The following TBC1D8 variants were observed in gnomAD, a reference collection of about 807,000 sequenced individuals.
The protein encoded by TBC1D8 is BUB2-like protein 1.
Under a neutral mutation model 118.8 loss-of-function variants are expected in TBC1D8, and 65 were observed. The ratio of observed to expected loss-of-function variants is 0.55; its 90% confidence interval spans 0.45 to 0.67. TBC1D8 has a LOEUF of 0.67. Ranked by LOEUF, TBC1D8 falls within the 30% of genes least tolerant of loss-of-function variation. The pLI is 0.00. For synonymous variants in TBC1D8, 566 were observed against 595.8 expected, an observed-to-expected ratio of 0.95 and a Z score of 0.73; for missense variants, 1,376 against 1,471.2, an observed-to-expected ratio of 0.94 and a Z score of 1.06.
At chr2:101,143,078 CTT>C (rs1189436325) in intron 1 of TBC1D8, among the ~76,000 whole-genome samples, 2 of 41,400 alleles carry the variant, frequency 4.8e-5, no homozygotes, top group Admixed American at 4.3e-4. Context: ...TTTTTTTTTT[CTT>C]GAGACAGAGT....
intron 1 of TBC1D8, among the ~76,000 whole-genome samples, chr2:101,122,383 CAAAAAAAAAAAAA>C (rs70943064): frequency 0.28 from 20,586 of 72,470 alleles, 1,882 homozygotes; most frequent in African/African-American, 0.3. Context: ...GACTCCATTT[CAAAAAAAAAAAAA>C]AAAAAAAAAA....
intron 1 of TBC1D8, among the ~76,000 whole-genome samples, chr2:101,097,506 A>G (rs1334088341): frequency 6.6e-6 from 1 of 152,132 alleles, no homozygotes; most frequent in Non-Finnish European, 1.5e-5. Flanking sequence ...TGACATGAAT[A>G]ATAGTAAAGT....
At chr2:101,071,566 A>G (rs1484497010) in intron 2 of TBC1D8, among the ~76,000 whole-genome samples, 1 of 152,198 alleles carries the variant, frequency 6.6e-6, no homozygotes, top group Non-Finnish European at 1.5e-5. Context: ...TTGATAATAG[A>G]ACTTAAGAAT....
chr2:101,113,903 T>C (rs570543440), intron 1 of TBC1D8, among the ~76,000 whole-genome samples: 4 of 152,238 alleles, frequency 2.6e-5, no homozygotes, highest in Admixed American at 2.0e-4. Context: ...AAGGAATGAG[T>C]CTGCCTGTTT....
chr2:101,061,764 G>C (rs191208457), intron 2 of TBC1D8, among the ~76,000 whole-genome samples: 52 of 152,152 alleles, frequency 3.4e-4, no homozygotes, highest in South Asian at 4.1e-4. Context: ...GAGGGGTCCC[G>C]GTCCTCTTGC....
intron 1 of TBC1D8, among the ~76,000 whole-genome samples, chr2:101,104,357 C>G (rs1485955290): frequency 6.6e-6 from 1 of 152,160 alleles, no homozygotes; most frequent in Non-Finnish European, 1.5e-5. Flanking sequence ...ATATTGACAA[C>G]TGATTCTAAA....
chr2:101,114,026 A>C (rs1044475172), intron 1 of TBC1D8, among the ~76,000 whole-genome samples: 41 of 152,244 alleles, frequency 2.7e-4, no homozygotes, highest in Admixed American at 1.8e-3. Flanking sequence ...CTAGTTGATT[A>C]ATCTTCCCCT....
chr2:101,027,202 G>A (rs1029316373), intron 15 of TBC1D8, among the ~76,000 whole-genome samples, 181 bp downstream of exon 15: 5 of 152,164 alleles, frequency 3.3e-5, no homozygotes, highest in African/African-American at 4.8e-5. Flanking sequence ...GGTGGAGGGT[G>A]GGGAGAGAGG....
At chr2:101,053,209 G>C (rs1287330506) in intron 4 of TBC1D8, among the ~76,000 whole-genome samples, 2 of 152,200 alleles carry the variant, frequency 1.3e-5, no homozygotes, top group Non-Finnish European at 2.9e-5. Flanking sequence ...TACAGAGAAA[G>C]GAAAGAAAGC....
intron 2 of TBC1D8, among the ~76,000 whole-genome samples, chr2:101,079,841 A>T (rs1262548646): frequency 6.6e-6 from 1 of 151,412 alleles, no homozygotes; most frequent in Non-Finnish European, 1.5e-5. Context: ...GCCCGCCACC[A>T]CGCCTGGCTA....
At chr2:101,047,475 T>C (rs6543009) in intron 5 of TBC1D8, among the ~76,000 whole-genome samples, 127,491 of 152,230 alleles carry the variant, frequency 0.84, 53,859 homozygotes, top group African/African-American at 0.95. Context: ...TTTTCCCCAG[T>C]TTTCAAACCT....
At chr2:101,070,885 A>G (rs945454952) in intron 2 of TBC1D8, among the ~76,000 whole-genome samples, 2 of 152,218 alleles carry the variant, frequency 1.3e-5, no homozygotes, top group Non-Finnish European at 2.9e-5. Context: ...AATAATATGG[A>G]CTTGAAAGAC....
intron 2 of TBC1D8, among the ~76,000 whole-genome samples, chr2:101,089,136 G>A (rs1175243381): frequency 6.6e-6 from 1 of 152,148 alleles, no homozygotes; most frequent in Non-Finnish European, 1.5e-5. Context: ...GATCACTGAA[G>A]GCCAGGAGTT....
Position 101,100,208 on chromosome 2 carries a change from T to C in TBC1D8, c.128-9844A>G, listed in dbSNP as rs183028349. Among the ~76,000 whole-genome samples the C allele has an allele frequency of 4.6e-5, 7 of 152,184 alleles. 1 individual carries two copies. The East Asian group carries it at 1.4e-3, about 29-fold the overall frequency. ...TGTGCAAAAATGACAAGCATTCCTA[T>C]ACACCAACAACAGACAAGCAGAGAG... On this transcript the variant is annotated intron_variant, in intron 1 of 19. Coordinates refer to ENST00000409318, the MANE Select transcript of TBC1D8 (RefSeq NM_001330348.2).
intron 1 of TBC1D8, among the ~76,000 whole-genome samples, chr2:101,106,433 T>C (rs1385608689): frequency 6.6e-6 from 1 of 152,176 alleles, no homozygotes. Flanking sequence ...AACCTGACTG[T>C]ACTACACATG....
At chr2:101,084,323 AG>A (rs1675456287) in intron 2 of TBC1D8, among the ~76,000 whole-genome samples, 1 of 152,132 alleles carries the variant, frequency 6.6e-6, no homozygotes, top group Non-Finnish European at 1.5e-5. Context: ...CAAAGGTGGG[AG>A]GATCACCTGA....
chr2:101,021,843 T>C, intron 16 of TBC1D8, 97 bp from the exon 17 acceptor site: 1 of 771,228 alleles, frequency 1.3e-6, no homozygotes, highest in Non-Finnish European at 2.2e-6. Flanking sequence ...GGAAGGTCAA[T>C]ACCTGCCACC....
chr2:101,097,625 G>C (rs1389292276), intron 1 of TBC1D8, among the ~76,000 whole-genome samples: 1 of 151,794 alleles, frequency 6.6e-6, no homozygotes, highest in Non-Finnish European at 1.5e-5. Context: ...CAGCACTTTG[G>C]GAATATCACT....
In TBC1D8 at chr2:101,038,729, T is replaced by C. The variant is rs542158331; in HGVS notation, c.1081-74A>G. The C allele has an allele frequency of 1.7e-5, 26 of 1,529,164 alleles. No individual in the cohort carries two copies. The Admixed American group carries it at 3.4e-4, about 20-fold the overall frequency. The allele number at this position is 1,529,164 out of a possible 1,614,324, so 94.7% of individuals were successfully genotyped here. On this transcript the variant is annotated intron_variant, in intron 6 of 19. Coordinates refer to ENST00000409318, the MANE Select transcript of TBC1D8 (RefSeq NM_001330348.2). ...CATGTTATTACATATGCAGAAGATG[T>C]CCCGAAACAGAGGGCAAGGCACAAT...
Sources: allele counts gnomAD v4.1 joint callset (sites outside exome capture counted in the v4.1 genomes callset), GRCh38; gene constraint gnomAD v4.1.1; transcripts MANE v1.5; gene names NCBI Gene and HGNC (gene_info 2026-07-23, HGNC 2026-07-21).